ABTB2: variants seen among roughly 807,000 people sequenced by gnomAD.
The protein encoded by ABTB2 is ankyrin repeat and BTB/POZ domain-containing protein 2.
ABTB2 carries 56 observed loss-of-function variants against 104.1 expected under a neutral mutation model. The observed-to-expected ratio is 0.54, with a 90% CI of 0.43 to 0.67. The LOEUF is 0.67. Ranked by LOEUF, ABTB2 falls within the 30% of genes least tolerant of loss-of-function variation. The pLI is 0.00. For synonymous variants in ABTB2, 606 were observed against 608.2 expected (o/e 1.00, Z 0.05); for missense variants, 1,279 against 1,407.7 (o/e 0.91, Z 1.46).
intron 1 of ABTB2, among the ~76,000 whole-genome samples, chr11:34,350,032 G>A (rs1203846600): frequency 4.6e-5 from 7 of 152,204 alleles, no homozygotes; most frequent in Admixed American, 2.0e-4. Flanking sequence ...ATGTGTACAA[G>A]CCTCTCATTT....
At position 34,182,497 on chromosome 11, in the gene ABTB2, TG is replaced by T. The variant is rs1157886289; in HGVS notation, c.1245-9191del. Among the ~76,000 whole-genome samples the T allele has an allele frequency of 5.3e-3, 369 of 69,774 alleles. 25 individuals are homozygous for T. The highest frequency in any genetic ancestry group is 0.012 in the African/African-American group (143 of 11,638). 45.8% of individuals were successfully genotyped at this position (69,774 alleles called of 152,430 possible). ...GCTTGAGGTGGGGCATTGGGTTCTCTGGGGGGGGGGGGAAATTCACTTTTCC... is the reference window on the plus strand; with the variant it reads ...GCTTGAGGTGGGGCATTGGGTTCTCTGGGGGGGGGGGAAATTCACTTTTCC... On this transcript the variant is annotated intron_variant, in intron 3 of 16. Coordinates refer to ENST00000435224, the MANE Select transcript of ABTB2 (RefSeq NM_145804.3).
In ABTB2 at chr11:34,152,210, A is replaced by C. The variant is rs1852552100; in HGVS notation, c.*177T>G. ...CCCTTTGCCCATCAGTGATTGAACA[A>C]ACAGCTCTAGGGCAGAGGAGATGAG... is the stretch of plus-strand genomic sequence containing the variant. On this transcript the variant is annotated 3_prime_UTR_variant, in exon 17 of 17. Coordinates refer to ENST00000435224, the MANE Select transcript of ABTB2 (RefSeq NM_145804.3). 1.5e-6 allele frequency: 1 copy of C among 682,192 alleles called. No homozygotes were observed. The highest frequency in any genetic ancestry group is 2.4e-6 in the Non-Finnish European group (1 of 413,688). The allele number at this position is 682,192 out of a possible 1,614,324, so 42.3% of individuals were successfully genotyped here. A position where few individuals can be genotyped will look rare whatever the true frequency, so the allele number is the denominator to read the frequency against.
intron 1 of ABTB2, among the ~76,000 whole-genome samples, chr11:34,354,743 A>C (rs1855445170): frequency 6.6e-6 from 1 of 152,176 alleles, no homozygotes; most frequent in Non-Finnish European, 1.5e-5. Context: ...GTTCTGCATG[A>C]ATATATGTTT....
chr11:34,280,918 C>T (rs754540450), intron 1 of ABTB2, among the ~76,000 whole-genome samples: 3 of 152,180 alleles, frequency 2.0e-5, no homozygotes, highest in Non-Finnish European at 4.4e-5. Context: ...ACACATATAA[C>T]TACCCGCAAT....
At chr11:34,172,395 A>AATATATATATAT (rs71037402) in intron 4 of ABTB2, among the ~76,000 whole-genome samples, 61 of 29,032 alleles carry the variant, frequency 2.1e-3, no homozygotes, top group Non-Finnish European at 3.6e-3. Flanking sequence ...AAAAAAAAAA[A>AATATATATATAT]ATATATATAT....
intron 3 of ABTB2, among the ~76,000 whole-genome samples, chr11:34,183,028 G>A (rs1184831442): frequency 6.6e-6 from 1 of 152,136 alleles, no homozygotes; most frequent in Non-Finnish European, 1.5e-5. Flanking sequence ...TTCACCTGGT[G>A]CTGGCCCAAC....
rs551119904 is a variant in ABTB2, at chr11:34,357,161, G to A, written c.423C>T (p.Arg141=). 729 of 1,492,786 alleles carry A rather than the reference G, an allele frequency of 4.9e-4. 4 individuals are homozygous for A. In the African/African-American group the frequency reaches 9.2e-3, roughly 19 times the overall value. 92.5% of individuals were successfully genotyped at this position (1,492,786 alleles called of 1,614,324 possible). ...GCAGCACGCTCAGGCGCTGCGCCTCGCGGGCCACGCGGATCAGTGCCCTGC... is the reference window on the plus strand; with the variant it reads ...GCAGCACGCTCAGGCGCTGCGCCTCACGGGCCACGCGGATCAGTGCCCTGC... The part of the protein sequence containing the change: ...LLRRALIRVA[R]EAQRLSVLHA... The change falls in exon 1 of 17, where the codon CGC becomes CGT. Residue 141 remains arginine, a synonymous_variant. Transcript: ENST00000435224.
At chr11:34,191,086 T>C (rs74753124) in intron 3 of ABTB2, among the ~76,000 whole-genome samples, 2,664 of 152,288 alleles carry the variant, frequency 0.017, 31 homozygotes, top group Middle Eastern at 0.034. Context: ...AAGAGGCTTA[T>C]GGCACCCTCC....
At chr11:34,295,859 C>T (rs552161311) in intron 1 of ABTB2, among the ~76,000 whole-genome samples, 19 of 152,272 alleles carry the variant, frequency 1.2e-4, no homozygotes, top group African/African-American at 3.9e-4. Context: ...GGGCACTAAT[C>T]CCATTCATAA....
At chr11:34,174,422 G>C (rs1386448720) in intron 3 of ABTB2, among the ~76,000 whole-genome samples, 1 of 151,992 alleles carries the variant, frequency 6.6e-6, no homozygotes, top group Non-Finnish European at 1.5e-5. Flanking sequence ...ATCACTAAGA[G>C]CCCACAAAAG....
chr11:34,217,564 C>T (rs775150896), intron 1 of ABTB2, among the ~76,000 whole-genome samples: 12 of 152,238 alleles, frequency 7.9e-5, no homozygotes, highest in South Asian at 4.1e-4. Flanking sequence ...TGGGTTCAAG[C>T]GATTCTCCTG....
intron 5 of ABTB2, 78 bp from the exon 6 acceptor site, chr11:34,168,070 A>C: frequency 6.9e-7 from 1 of 1,446,908 alleles, no homozygotes; most frequent in African/African-American, 1.4e-5. Context: ...TCTGCCCCAG[A>C]AACCACAGAT....
chr11:34,248,734 AAGCAGG>A (rs1199602375), intron 1 of ABTB2, among the ~76,000 whole-genome samples: 1 of 152,246 alleles, frequency 6.6e-6, no homozygotes, highest in African/African-American at 2.4e-5. Flanking sequence ...CAACTTTTCA[AAGCAGG>A]ACACATTGAG....
intron 1 of ABTB2, among the ~76,000 whole-genome samples, chr11:34,332,672 C>A (rs1219977872): frequency 6.6e-6 from 1 of 152,088 alleles, no homozygotes; most frequent in African/African-American, 2.4e-5. Context: ...GGAGTTGGTC[C>A]AGCCTAGCCC....
intron 2 of ABTB2, among the ~76,000 whole-genome samples, chr11:34,198,573 T>C (rs1029034072): frequency 6.6e-6 from 1 of 152,186 alleles, no homozygotes; most frequent in African/African-American, 2.4e-5. Context: ...CATGGCTGTG[T>C]GGCTAGAAAA....
intron 1 of ABTB2, among the ~76,000 whole-genome samples, chr11:34,267,224 G>A (rs1377791210): frequency 6.6e-6 from 1 of 152,178 alleles, no homozygotes; most frequent in Non-Finnish European, 1.5e-5. Context: ...CTCGAGAGGC[G>A]GCAGCCCTCA....
chr11:34,188,010 T>C (rs1019697202), intron 3 of ABTB2, among the ~76,000 whole-genome samples: 4 of 152,238 alleles, frequency 2.6e-5, no homozygotes, highest in African/African-American at 9.6e-5. Context: ...ATTCTGATAA[T>C]AGCAGCTGCC....
intron 1 of ABTB2, among the ~76,000 whole-genome samples, chr11:34,277,013 T>G (rs1854389590): frequency 6.6e-6 from 1 of 152,222 alleles, no homozygotes; most frequent in South Asian, 2.1e-4. Flanking sequence ...GTGATTCTCC[T>G]GCCTCAGCCT....
chr11:34,266,064 C>T (rs374921634), intron 1 of ABTB2, among the ~76,000 whole-genome samples: 3 of 151,646 alleles, frequency 2.0e-5, no homozygotes, highest in Non-Finnish European at 4.4e-5. Flanking sequence ...ATCTCTACCA[C>T]GAATTCATTT....
Sources: gnomAD v4.1 joint callset for allele counts (sites outside exome capture counted in the v4.1 genomes callset) on GRCh38, gnomAD v4.1.1 for gene constraint, MANE v1.5 for transcripts, NCBI Gene and HGNC (gene_info 2026-07-23, HGNC 2026-07-21) for gene names.